The following MAF variants were observed in gnomAD, a reference collection of about 807,000 sequenced individuals.
The protein encoded by MAF is transcription factor Maf.
In MAF, 10 loss-of-function variants were observed where a neutral mutation model predicts 22.0. The ratio of observed to expected loss-of-function variants is 0.45; its 90% CI spans 0.28 to 0.77. MAF has a LOEUF of 0.77. Ranked by LOEUF, MAF falls within the 30% of genes least tolerant of loss-of-function variation. MAF has a pLI of 0.12. For missense variants in MAF, 544 were observed against 548.4 expected, an observed-to-expected ratio of 0.99 and a Z score of 0.08; for synonymous variants, 337 against 255.8, an observed-to-expected ratio of 1.32 and a Z score of -3.03.
the MAF span, among the ~76,000 whole-genome samples, chr16:79,339,380 T>C: frequency 4.6e-5 from 7 of 152,188 alleles, no homozygotes; most frequent in Non-Finnish European, 1.0e-4. Context: ...TTTTAAAAAT[T>C]GAGTGTGCCT....
At chr16:79,506,017 G>C in the MAF span, among the ~76,000 whole-genome samples, 2 of 151,956 alleles carry the variant, frequency 1.3e-5, no homozygotes, top group Admixed American at 6.6e-5. Flanking sequence ...GGAGGAAAGA[G>C]AGGAGGAAAA....
chr16:79,267,939 C>T, the MAF span, among the ~76,000 whole-genome samples: 10 of 151,564 alleles, frequency 6.6e-5, no homozygotes, highest in African/African-American at 2.2e-4. Context: ...GGGGTGTGGG[C>T]GGGGGCACGC....
chr16:79,301,629 A>G, the MAF span, among the ~76,000 whole-genome samples: 3 of 127,078 alleles, frequency 2.4e-5, no homozygotes, highest in Non-Finnish European at 5.2e-5. Context: ...ATTTTATTAT[A>G]TCTATGTGTG....
the MAF span, among the ~76,000 whole-genome samples, chr16:79,318,910 C>T: frequency 3.3e-5 from 5 of 152,180 alleles, no homozygotes; most frequent in Admixed American, 2.6e-4. Flanking sequence ...ATCTGCTCAC[C>T]TGAGCCTCAA....
the MAF span, among the ~76,000 whole-genome samples, chr16:79,498,947 G>T: frequency 6.6e-6 from 1 of 152,154 alleles, no homozygotes; most frequent in Non-Finnish European, 1.5e-5. Flanking sequence ...CAGATGTGTA[G>T]CAAGGAATTA....
the MAF span, among the ~76,000 whole-genome samples, chr16:79,234,438 G>T: frequency 1.3e-5 from 2 of 152,092 alleles, no homozygotes; most frequent in African/African-American, 2.4e-5. Context: ...CAATTTAGTA[G>T]CTTGTCTCAT....
the MAF span, among the ~76,000 whole-genome samples, chr16:79,411,599 T>G: frequency 6.6e-6 from 1 of 152,208 alleles, no homozygotes; most frequent in Non-Finnish European, 1.5e-5. Context: ...AACCTATAAA[T>G]TGAGGTGAAT....
chr16:79,269,795 G>A, the MAF span, among the ~76,000 whole-genome samples: 1 of 152,110 alleles, frequency 6.6e-6, no homozygotes, highest in South Asian at 2.1e-4. Context: ...AGGAAGCAAA[G>A]GAATGTAATG....
chr16:79,561,445 T>G, the MAF span, among the ~76,000 whole-genome samples: 3 of 151,976 alleles, frequency 2.0e-5, no homozygotes, highest in Admixed American at 2.0e-4. Context: ...TAGGTATATC[T>G]CCTAATGCTA....
intron 1 of MAF, chr16:79,595,028 T>C (rs1420153150): frequency 9.5e-7 from 1 of 1,057,720 alleles, no homozygotes; most frequent in African/African-American, 1.7e-5. Flanking sequence ...ATTTTGAGAA[T>C]GTTTGCCTAA....
At chr16:79,298,901 G>A in the MAF span, among the ~76,000 whole-genome samples, 3 of 152,240 alleles carry the variant, frequency 2.0e-5, no homozygotes, top group Non-Finnish European at 4.4e-5. Flanking sequence ...CAGGCCTCCA[G>A]GGCTATAAGG....
chr16:79,284,007 T>C, the MAF span, among the ~76,000 whole-genome samples: 3 of 2,060 alleles, frequency 1.5e-3, no homozygotes, highest in African/African-American at 3.2e-3. Context: ...ATAGTAGTGA[T>C]TGATGGCAGA....
At chr16:79,541,489 A>AAT in the MAF span, among the ~76,000 whole-genome samples, 1 of 150,934 alleles carries the variant, frequency 6.6e-6, no homozygotes, top group Non-Finnish European at 1.5e-5. Flanking sequence ...AAAAAAAAAA[A>AAT]AATAATAAAT....
chr16:79,596,568 C>G, intron 1 of MAF: 1 of 1,047,848 alleles, frequency 9.5e-7, no homozygotes, highest in Non-Finnish European at 1.2e-6. Flanking sequence ...AGGAACAACA[C>G]GCGTGGTTAG....
chr16:79,208,035 C>G, the MAF span, among the ~76,000 whole-genome samples: 1 of 152,176 alleles, frequency 6.6e-6, no homozygotes, highest in Non-Finnish European at 1.5e-5. Flanking sequence ...TCCCACCTTT[C>G]TGTAGTTGAA....
At chr16:79,597,643 C>T (rs1323577792) in intron 1 of MAF, 1 of 1,021,382 alleles carries the variant, frequency 9.8e-7, no homozygotes, top group African/African-American at 1.7e-5. Context: ...GGGAAGAAGG[C>T]TCTACGGTTG....
the MAF span, among the ~76,000 whole-genome samples, chr16:79,263,560 GC>G: frequency 6.6e-6 from 1 of 152,170 alleles, no homozygotes; most frequent in African/African-American, 2.4e-5. Flanking sequence ...CCCTTGTGGG[GC>G]CCAGGATTCT....
the MAF span, among the ~76,000 whole-genome samples, chr16:79,502,609 T>G: frequency 6.6e-6 from 1 of 150,400 alleles, no homozygotes; most frequent in Non-Finnish European, 1.5e-5. Flanking sequence ...GAGGTTGCAG[T>G]GAGCTGAGAT....
At position 79,593,892 on chromosome 16, in the gene MAF, C is replaced by T. The variant is rs189561489; in HGVS notation, c.*568G>A. 4.2e-5 allele frequency: 8 copies of T among 191,500 alleles called. No individual in the cohort carries two copies. Among genetic ancestry groups the T allele is most frequent in the Non-Finnish European group, 8.7e-5 (8 of 91,492 alleles). The allele number at this position is 191,500 out of a possible 1,614,324, so 11.9% of individuals were successfully genotyped here. ...ACATTGTTTTCATTTACAGCTATGT[C>T]TGACAAATGAGCACGTTTGACATCA... On this transcript the variant is annotated 3_prime_UTR_variant, in exon 2 of 2. Transcript: ENST00000326043.
Sources: gnomAD v4.1 joint callset for allele counts (sites outside exome capture counted in the v4.1 genomes callset) on GRCh38, gnomAD v4.1.1 for gene constraint, MANE v1.5 for transcripts, NCBI Gene and HGNC (gene_info 2026-07-23, HGNC 2026-07-21) for gene names.